The following ZNF521 variants were observed in gnomAD, a reference collection of about 807,000 sequenced individuals.
The protein encoded by ZNF521 is LYST-interacting protein 3.
A neutral mutation model predicts 105.5 loss-of-function variants in ZNF521; 14 were observed. The ratio of observed to expected loss-of-function variants is 0.13; its 90% CI spans 0.09 to 0.21. The LOEUF (loss-of-function observed/expected upper bound fraction) is 0.21, where lower values mean the gene tolerates loss of function less well. Among genes scored for constraint, ZNF521 ranks in the 10% least tolerant of loss-of-function variants. The pLI, the probability that ZNF521 is intolerant of heterozygous loss-of-function variation, is 1.00. For missense variants in ZNF521, 1,233 were observed against 1,629.7 expected, an observed-to-expected ratio of 0.76 and a Z score of 4.19; for synonymous variants, 635 against 606.0, an observed-to-expected ratio of 1.05 and a Z score of -0.70.
chr18:25,265,810 A>G (rs1909212317), intron 3 of ZNF521, among the ~76,000 whole-genome samples: 1 of 152,226 alleles, frequency 6.6e-6, no homozygotes, highest in Admixed American at 6.5e-5. Context: ...GATGAATGGG[A>G]AAATAATATG....
chr18:25,079,660 G>C (rs1029065603), intron 7 of ZNF521, among the ~76,000 whole-genome samples: 1 of 143,576 alleles, frequency 7.0e-6, no homozygotes, highest in Non-Finnish European at 1.5e-5. Context: ...GGAAGTGAGC[G>C]CACAGATGGT....
At chr18:25,066,655 C>A (rs1013480837) in intron 7 of ZNF521, among the ~76,000 whole-genome samples, 3 of 152,160 alleles carry the variant, frequency 2.0e-5, no homozygotes, top group African/African-American at 7.2e-5. Context: ...ACAGCAGAAG[C>A]GCCAAGCAAA....
At chr18:25,277,044 G>C (rs1485741697) in intron 3 of ZNF521, among the ~76,000 whole-genome samples, 1 of 152,040 alleles carries the variant, frequency 6.6e-6, no homozygotes, top group Admixed American at 6.6e-5. Flanking sequence ...TTAGCCGAGT[G>C]TGGTGGCACA....
intron 7 of ZNF521, among the ~76,000 whole-genome samples, chr18:25,074,132 A>C (rs948122284): frequency 1.3e-5 from 2 of 152,196 alleles, no homozygotes; most frequent in African/African-American, 4.8e-5. Context: ...TTCCACGCCT[A>C]AGCGAGTGTT....
chr18:25,338,185 C>T (rs1913995122), intron 2 of ZNF521, among the ~76,000 whole-genome samples: 2 of 151,124 alleles, frequency 1.3e-5, no homozygotes, highest in African/African-American at 2.4e-5. Flanking sequence ...AGTACCGATG[C>T]ATCTCACTCT....
chr18:25,112,286 G>A (rs2034207173), intron 5 of ZNF521, among the ~76,000 whole-genome samples: 1 of 152,104 alleles, frequency 6.6e-6, no homozygotes, highest in Non-Finnish European at 1.5e-5. Flanking sequence ...GTGACAAAGG[G>A]GCCTTCGGGT....
intron 5 of ZNF521, among the ~76,000 whole-genome samples, chr18:25,175,602 G>A (rs2035523510): frequency 6.6e-6 from 1 of 152,160 alleles, no homozygotes; most frequent in Non-Finnish European, 1.5e-5. Context: ...TGGATGGTCA[G>A]CATAAATATT....
intron 7 of ZNF521, among the ~76,000 whole-genome samples, chr18:25,086,170 T>C (rs2033619053): frequency 6.6e-6 from 1 of 152,136 alleles, no homozygotes; most frequent in South Asian, 2.1e-4. Flanking sequence ...TTCTACTCTG[T>C]GGTTATTTTG....
chr18:25,184,936 C>T (rs28701940), intron 5 of ZNF521, among the ~76,000 whole-genome samples: 6,446 of 152,264 alleles, frequency 0.042, 212 homozygotes, highest in African/African-American at 0.083. Context: ...TGACTTCAAT[C>T]CACATTATTT....
At chr18:25,062,777 A>AAAAAAAAAG in intron 7 of ZNF521, 36 bp from the exon 8 acceptor site, 1 of 1,429,474 alleles carries the variant, frequency 7.0e-7, no homozygotes, top group Non-Finnish European at 9.4e-7. Flanking sequence ...AAAAAAAAAA[A>AAAAAAAAAG]AAAAAAAAGA....
rs867702380 is a variant in ZNF521, at chr18:25,224,050, G to A, written c.3573+295C>T. On this transcript the variant is annotated intron_variant, in intron 4 of 7. Transcript: ENST00000361524. ...TTTCAACTCACGGTGAAGCTATGCT[G>A]AGATTCCAGATCTCAGTAGTGTTGG... is the stretch of plus-strand genomic sequence containing the variant. 13 of 330,700 alleles carry A rather than the reference G, an allele frequency of 3.9e-5. 2 individuals are homozygous for A. The South Asian group carries it at 1.0e-3, about 26-fold the overall frequency. 20.5% of individuals were successfully genotyped at this position (330,700 alleles called of 1,614,324 possible).
intron 2 of ZNF521, among the ~76,000 whole-genome samples, chr18:25,340,254 C>T (rs1914121481): frequency 6.6e-6 from 1 of 152,042 alleles, no homozygotes; most frequent in South Asian, 2.1e-4. Context: ...ACTAGGGAGG[C>T]TGAGGTGAGA....
In ZNF521 at chr18:25,225,750, C is replaced by T. The variant is rs746955633; in HGVS notation, c.2168G>A (p.Arg723His). Residue 723 changes from arginine (R) to histidine (H), a missense_variant, in exon 4 of 8, where the codon CGC becomes CAC. By Grantham distance (29) the Arg-to-His change is conservative (BLOSUM62 0). Around this residue, in one of 6 missense-constraint regions of ZNF521, gnomAD observed 614 missense variants for 751.5 expected, o/e 0.82. Coordinates refer to ENST00000361524, the MANE Select transcript of ZNF521 (RefSeq NM_015461.3). The surrounding 1 kb of genome is among the most constrained non-coding windows in gnomAD (Gnocchi z 5.6). The stretch of plus-strand genomic sequence containing the variant: ...AAAAACTTCCTGGCAGAGGGTGCAG[C>T]GAAAGAAGACAAAGGTGTGCATGTC... Reference protein sequence around the residue: ...LLDMHTFVFFRCTLCQEVFDS... With the variant: ...LLDMHTFVFFHCTLCQEVFDS... 1.4e-5 allele frequency: 22 copies of T among 1,614,002 alleles called. No homozygotes were observed. Among genetic ancestry groups the T allele is most frequent in the Admixed American group, 8.3e-5 (5 of 60,004 alleles).
At chr18:25,105,001 A>G (rs1457301090) in intron 5 of ZNF521, among the ~76,000 whole-genome samples, 1 of 152,216 alleles carries the variant, frequency 6.6e-6, no homozygotes, top group East Asian at 1.9e-4. Flanking sequence ...GGGCTATTTT[A>G]AAGAATTAAA....
In ZNF521 at chr18:25,079,710, A is replaced by G. The variant is rs1284334921; in HGVS notation, c.3906+9755T>C. ...GTGCTCTCAGCAGGCTTCAGTGGAG[A>G]TGCATTAACTCCACAGAGGGATAAG... On this transcript the variant is annotated intron_variant, in intron 7 of 7. Coordinates refer to ENST00000361524, the MANE Select transcript of ZNF521 (RefSeq NM_015461.3). Among the ~76,000 whole-genome samples, 3 of 152,070 alleles carry G rather than the reference A, an allele frequency of 2.0e-5. No homozygotes were observed. In the East Asian group the frequency reaches 5.8e-4, roughly 29 times the overall value.
chr18:25,074,042 GTGTC>G (rs2033290749), intron 7 of ZNF521, among the ~76,000 whole-genome samples: 4 of 134,322 alleles, frequency 3.0e-5, no homozygotes, highest in African/African-American at 8.4e-5. Context: ...GTGCATGTGT[GTGTC>G]TGTGCACATG....
intron 3 of ZNF521, among the ~76,000 whole-genome samples, chr18:25,307,944 G>C (rs550666227): frequency 6.6e-6 from 1 of 152,002 alleles, no homozygotes; most frequent in Non-Finnish European, 1.5e-5. Context: ...GCTCATGCCT[G>C]TAACCCCAGC....
intron 5 of ZNF521, among the ~76,000 whole-genome samples, chr18:25,129,666 G>A (rs530357361): frequency 2.0e-5 from 3 of 152,042 alleles, no homozygotes; most frequent in African/African-American, 7.2e-5. Flanking sequence ...AGAAAGTGGC[G>A]GGGTGGGGGG....
intron 7 of ZNF521, among the ~76,000 whole-genome samples, chr18:25,082,997 A>T (rs1270230032): frequency 1.3e-5 from 2 of 152,146 alleles, no homozygotes; most frequent in Non-Finnish European, 2.9e-5. Flanking sequence ...TTTGCAAAAG[A>T]GGATTTCAGC....
Sources: allele counts gnomAD v4.1 joint callset (sites outside exome capture counted in the v4.1 genomes callset), GRCh38; gene constraint gnomAD v4.1.1; regional missense constraint gnomAD v4.1.1; non-coding constraint Gnocchi (gnomAD v3.1); transcripts MANE v1.5; gene names NCBI Gene and HGNC (gene_info 2026-07-23, HGNC 2026-07-21).